Variants in ADGRV1 observed in about 807,000 individuals in gnomAD.
ADGRV1 encodes the protein G-protein coupled receptor 98.
ADGRV1 carries 359 observed loss-of-function variants against 596.2 expected under a neutral mutation model. The ratio of observed to expected loss-of-function variants is 0.60; its 90% CI spans 0.55 to 0.66. ADGRV1 has a LOEUF of 0.66. Among genes scored for constraint, ADGRV1 ranks in the 30% least tolerant of loss-of-function variants. ADGRV1 has a pLI of 0.00. For missense variants in ADGRV1, 7,274 were observed against 7,575.6 expected, an observed-to-expected ratio of 0.96 and a Z score of 1.48; for synonymous variants, 2,681 against 2,679.2, an observed-to-expected ratio of 1.00 and a Z score of -0.02.
At chr5:90,958,075 A>G (rs56219582) in intron 83 of ADGRV1, among the ~76,000 whole-genome samples, 46,809 of 151,612 alleles carry the variant, frequency 0.31, 7,789 homozygotes, top group African/African-American at 0.44. Context: ...CAGGATTGCA[A>G]GACCAGCCTA....
intron 50 of ADGRV1, among the ~76,000 whole-genome samples, chr5:90,733,665 T>C (rs1419188699): frequency 6.6e-6 from 1 of 152,196 alleles, no homozygotes; most frequent in Non-Finnish European, 1.5e-5. Flanking sequence ...TTATTTTTAA[T>C]TTACAAGTTA....
intron 9 of ADGRV1, among the ~76,000 whole-genome samples, chr5:90,633,485 T>C (rs1467189431): frequency 5.9e-5 from 9 of 152,158 alleles, no homozygotes; most frequent in Non-Finnish European, 1.0e-4. Flanking sequence ...TTCACGAATG[T>C]GTGCTTGGTC....
chr5:91,153,418 C>T lies in ADGRV1; in HGVS notation c.18802+20C>T, dbSNP rs766114702. On this transcript the variant is annotated intron_variant, in intron 89 of 89. Coordinates refer to ENST00000405460, the MANE Select transcript of ADGRV1 (RefSeq NM_032119.4). Reference sequence around the variant, plus strand: ...AAACTGGTATGTATGAACCCATGAACGACATTAGAAGTAGGCACTCTTGCT... The same window carrying T: ...AAACTGGTATGTATGAACCCATGAATGACATTAGAAGTAGGCACTCTTGCT... 1.6e-5 allele frequency: 25 copies of T among 1,537,304 alleles called. No homozygotes were observed. Among genetic ancestry groups the T allele is most frequent in the Middle Eastern group, 4.4e-4 (2 of 4,524 alleles).
At chr5:90,763,037 TA>T in intron 58 of ADGRV1, 1 of 324,368 alleles carries the variant, frequency 3.1e-6, no homozygotes, top group East Asian at 5.1e-5. Flanking sequence ...ATTAGCAGCA[TA>T]AATCATTTCT....
chr5:90,995,288 C>T (rs775033418), intron 85 of ADGRV1, among the ~76,000 whole-genome samples: 142 of 152,166 alleles, frequency 9.3e-4, no homozygotes, highest in African/African-American at 3.0e-3. Context: ...CTCTGAGATA[C>T]GTGAAATACA....
At chr5:91,012,796 GA>G (rs1782832326) in intron 85 of ADGRV1, among the ~76,000 whole-genome samples, 1 of 151,934 alleles carries the variant, frequency 6.6e-6, no homozygotes. Context: ...TTTGTGTCAT[GA>G]GGGGTTGTTT....
intron 83 of ADGRV1, among the ~76,000 whole-genome samples, chr5:90,916,316 A>T (rs1253950100): frequency 6.6e-6 from 1 of 152,162 alleles, no homozygotes; most frequent in East Asian, 1.9e-4. Flanking sequence ...TTAACATTTA[A>T]ATATATGAAG....
intron 9 of ADGRV1, among the ~76,000 whole-genome samples, chr5:90,631,419 C>A (rs911467965): frequency 6.6e-6 from 1 of 152,006 alleles, no homozygotes; most frequent in Non-Finnish European, 1.5e-5. Context: ...TGACCTGTTA[C>A]GGGGATGTAG....
chr5:90,675,511 AG>A, intron 24 of ADGRV1, 66 bp downstream of exon 24: 1 of 1,402,330 alleles, frequency 7.1e-7, no homozygotes. Flanking sequence ...CTTCTCTGGA[AG>A]GGATATACAC....
At chr5:90,616,257 C>G (rs1161895491) in intron 2 of ADGRV1, among the ~76,000 whole-genome samples, 1 of 151,992 alleles carries the variant, frequency 6.6e-6, no homozygotes. Context: ...CTTAATTACT[C>G]ATTTTGAGCT....
chr5:90,953,088 G>T (rs1777183360), intron 83 of ADGRV1, among the ~76,000 whole-genome samples: 2 of 152,102 alleles, frequency 1.3e-5, no homozygotes, highest in South Asian at 4.2e-4. Context: ...AAAGCCATGT[G>T]AAAAAATCTC....
intron 85 of ADGRV1, among the ~76,000 whole-genome samples, chr5:91,055,393 A>C (rs979438442): frequency 1.0e-5 from 1 of 96,354 alleles, no homozygotes; most frequent in Non-Finnish European, 2.7e-5. Context: ...TTGCATACTA[A>C]AGTTAATGAT....
chr5:90,586,500 A>G (rs1044634447), intron 1 of ADGRV1, among the ~76,000 whole-genome samples: 2 of 152,186 alleles, frequency 1.3e-5, no homozygotes, highest in Non-Finnish European at 2.9e-5. Flanking sequence ...GAAATGTGGC[A>G]ATTTGTCCCA....
intron 76 of ADGRV1, among the ~76,000 whole-genome samples, chr5:90,827,273 G>A (rs1368540061): frequency 3.9e-5 from 6 of 152,092 alleles, no homozygotes; most frequent in Non-Finnish European, 8.8e-5. Context: ...ATTTTTAGGA[G>A]TCTAGGGAGG....
At chr5:91,026,438 T>C (rs1363160354) in intron 85 of ADGRV1, among the ~76,000 whole-genome samples, 1 of 151,980 alleles carries the variant, frequency 6.6e-6, no homozygotes, top group African/African-American at 2.4e-5. Flanking sequence ...TCAGTACAAT[T>C]CCCTTTCCCT....
chr5:91,100,459 G>A (rs145532719), intron 86 of ADGRV1, among the ~76,000 whole-genome samples: 1,795 of 150,998 alleles, frequency 0.012, 40 homozygotes, highest in African/African-American at 0.041. Context: ...AAAAAGAAAA[G>A]AGAAAGAAAA....
intron 14 of ADGRV1, 131 bp from the exon 15 acceptor site, chr5:90,644,575 C>T (rs1767456796): frequency 1.5e-6 from 1 of 685,738 alleles, no homozygotes; most frequent in Non-Finnish European, 2.5e-6. Flanking sequence ...AAAAACTGTG[C>T]TAAGCAAATA....
At chr5:90,901,740 C>A (rs1445936128) in intron 83 of ADGRV1, among the ~76,000 whole-genome samples, 1 of 151,986 alleles carries the variant, frequency 6.6e-6, no homozygotes, top group African/African-American at 2.4e-5. Context: ...TAGAACTCAA[C>A]AGTTTGGTAT....
At chr5:90,605,782 G>A (rs1429335824) in intron 1 of ADGRV1, among the ~76,000 whole-genome samples, 4 of 152,042 alleles carry the variant, frequency 2.6e-5, no homozygotes, top group Non-Finnish European at 4.4e-5. Context: ...ATATTTACAA[G>A]AAAATTAATA....
Sources: gnomAD v4.1 joint callset for allele counts (sites outside exome capture counted in the v4.1 genomes callset) on GRCh38, gnomAD v4.1.1 for gene constraint, MANE v1.5 for transcripts, NCBI Gene and HGNC (gene_info 2026-07-23, HGNC 2026-07-21) for gene names.